The following CPB2 variants were observed in gnomAD, a reference collection of about 807,000 sequenced individuals.
CPB2 encodes the protein carboxypeptidase B2, also known as carboxypeptidase B-like protein.
In CPB2, 54 loss-of-function variants were observed where a neutral mutation model predicts 57.0. The ratio of observed to expected loss-of-function variants is 0.95; its 90% CI spans 0.76 to 1.19. The LOEUF (loss-of-function observed/expected upper bound fraction) is 1.19. CPB2 is among the 50% of genes most tolerant of loss of function. The pLI is 0.00. For synonymous variants in CPB2, 189 were observed against 178.1 expected, an observed-to-expected ratio of 1.06 and a Z score of -0.49; for missense variants, 426 against 512.0, an observed-to-expected ratio of 0.83 and a Z score of 1.62.
chr13:46,086,370 T>C (rs986544108), intron 2 of CPB2, among the ~76,000 whole-genome samples: 5 of 152,042 alleles, frequency 3.3e-5, no homozygotes, highest in Admixed American at 6.6e-5. Context: ...CTTTACTGAG[T>C]AATAGAACAG....
intron 1 of CPB2, among the ~76,000 whole-genome samples, chr13:46,091,799 A>G (rs1000833551): frequency 1.3e-5 from 2 of 152,246 alleles, no homozygotes; most frequent in African/African-American, 4.8e-5. Context: ...TTATTTTCAC[A>G]TACCACTTAG....
In CPB2 at chr13:46,078,780, C is replaced by A. The variant is rs533847572; in HGVS notation, c.486+20G>T. 6.7e-7 allele frequency: 1 copy of A among 1,498,156 alleles called. No homozygotes were observed. The highest frequency in any genetic ancestry group is 2.3e-5 in the East Asian group (1 of 44,212). 92.8% of individuals were successfully genotyped at this position (1,498,156 alleles called of 1,614,324 possible). Reference sequence around the variant, plus strand: ...CCCTCCCCTCACAGTGAAAGATCAACAACTTTCCCCACAACATACCTTTAA... The same window carrying A: ...CCCTCCCCTCACAGTGAAAGATCAAAAACTTTCCCCACAACATACCTTTAA... On this transcript the variant is annotated intron_variant, in intron 5 of 10. Coordinates refer to ENST00000181383, the MANE Select transcript of CPB2 (RefSeq NM_001872.5).
intron 5 of CPB2, among the ~76,000 whole-genome samples, chr13:46,077,209 C>T (rs4942474): frequency 0.34 from 52,296 of 151,762 alleles, 9,232 homozygotes; most frequent in African/African-American, 0.39. Flanking sequence ...ATATAAGGAA[C>T]GCAAACAATT....
intron 1 of CPB2, among the ~76,000 whole-genome samples, chr13:46,102,761 A>G (rs1272786055): frequency 6.6e-6 from 1 of 152,146 alleles, no homozygotes; most frequent in Admixed American, 6.6e-5. Context: ...TTACTCACAG[A>G]AAGAGTAGTT....
At position 46,053,733 on chromosome 13, in the gene CPB2, C is replaced by A. The variant is rs143005979; in HGVS notation, c.1153G>T (p.Glu385Ter). Residue 385 changes from glutamate (E) to a stop codon, truncating the protein, a stop_gained, in exon 11 of 11, where the codon GAA (glutamate) becomes TAA (stop). Transcript: ENST00000181383. LOFTEE classifies it high-confidence loss of function. ...DLGIKYSFTI[E>*]LRDTGTYGFL... is the part of the protein sequence containing the mutation. ...CCGTATGTGCCCGTATCTCGAAGTT[C>A]AATTGTAAACGAATATTTGATGCCC... 1.9e-6 allele frequency: 3 copies of A among 1,614,034 alleles called. No individual in the cohort carries two copies. In the African/African-American group the frequency reaches 4.0e-5, roughly 22 times the overall value.
intron 4 of CPB2, among the ~76,000 whole-genome samples, chr13:46,080,319 G>A (rs917530825): frequency 2.0e-5 from 3 of 152,188 alleles, no homozygotes; most frequent in African/African-American, 7.2e-5. Context: ...CTGATCAAGA[G>A]ACCACCGATC....
At chr13:46,074,733 T>C (rs181157474) in intron 5 of CPB2, among the ~76,000 whole-genome samples, 45 of 152,308 alleles carry the variant, frequency 3.0e-4, no homozygotes, top group African/African-American at 8.2e-4. Context: ...ACCAGTTTCA[T>C]GGAAGACAAT....
intron 1 of CPB2, among the ~76,000 whole-genome samples, chr13:46,091,747 C>T (rs997083950): frequency 3.9e-5 from 6 of 152,208 alleles, no homozygotes; most frequent in African/African-American, 1.2e-4. Context: ...GATTCTTACA[C>T]AGCCAAGGCA....
chr13:46,081,239 C>T (rs148539096), intron 4 of CPB2, among the ~76,000 whole-genome samples: 24 of 152,120 alleles, frequency 1.6e-4, no homozygotes, highest in African/African-American at 5.3e-4. Context: ...CTGAACATAT[C>T]GTAAGAAAAC....
At chr13:46,068,656 T>C (rs1007332536) in intron 6 of CPB2, among the ~76,000 whole-genome samples, 4 of 152,182 alleles carry the variant, frequency 2.6e-5, no homozygotes, top group Middle Eastern at 3.2e-3. Context: ...ACCCGTCATC[T>C]ACATTAGGTA....
In CPB2 at chr13:46,053,800, T is replaced by A. The variant is rs2044628362; in HGVS notation, c.1088-2A>T. 2 of 1,609,720 alleles carry A rather than the reference T, an allele frequency of 1.2e-6. No homozygotes were observed. The highest frequency in any genetic ancestry group is 2.7e-5 in the African/African-American group (2 of 74,592). On this transcript the variant is annotated splice_acceptor_variant, in intron 10 of 10. Transcript: ENST00000181383. LOFTEE classifies it high-confidence loss of function. ...CGTCCCCACCTCCAGGAGCTAGGTC[T>A]AAAAGAAGAAGAAAGAAATTGTTGA...
At chr13:46,084,430 C>G in intron 2 of CPB2, 87 bp from the exon 3 acceptor site, 2 of 1,453,110 alleles carry the variant, frequency 1.4e-6, no homozygotes, top group Non-Finnish European at 9.4e-7. Flanking sequence ...ACAGTTTTAT[C>G]TATAAGGAGT....
At chr13:46,082,680 G>C in intron 3 of CPB2, 131 bp from the exon 4 acceptor site, 2 of 549,286 alleles carry the variant, frequency 3.6e-6, no homozygotes, top group Non-Finnish European at 6.6e-6. Context: ...ATTTCATCAA[G>C]GTAAAAGTAA....
In CPB2 at chr13:46,053,727, G is replaced by C. The variant is rs1344815032; in HGVS notation, c.1159C>G (p.Arg387Gly). Reference sequence around the variant, plus strand: ...AAGAATCCGTATGTGCCCGTATCTCGAAGTTCAATTGTAAACGAATATTTG... The same window carrying C: ...AAGAATCCGTATGTGCCCGTATCTCCAAGTTCAATTGTAAACGAATATTTG... Reference protein sequence around the residue: ...GIKYSFTIELRDTGTYGFLLP... With the variant: ...GIKYSFTIELGDTGTYGFLLP... The change falls in exon 11 of 11, where the codon CGA becomes GGA. Residue 387 changes from arginine to glycine, a missense_variant. Coordinates refer to ENST00000181383, the MANE Select transcript of CPB2 (RefSeq NM_001872.5). The C allele has an allele frequency of 6.2e-7, 1 of 1,614,108 alleles. No individual in the cohort carries two copies. The highest frequency in any genetic ancestry group is 8.5e-7 in the Non-Finnish European group (1 of 1,180,012).
Position 46,061,792 on chromosome 13 carries a change from C to CAA in CPB2, c.796+2854_796+2855dup, listed in dbSNP as rs941474057. ...CTCTCATCTCCAACACACACACACA[C>CAA]AAAATTTTAATACAGAGGAGCATAA... On this transcript the variant is annotated intron_variant, in intron 8 of 10. Coordinates refer to ENST00000181383, the MANE Select transcript of CPB2 (RefSeq NM_001872.5). 2.6e-4 allele frequency among the ~76,000 whole-genome samples: 40 copies of CAA among 152,174 alleles called. No homozygotes were observed. In the South Asian group the frequency reaches 3.5e-3, roughly 13 times the overall value.
At chr13:46,083,179 C>G (rs1026751550) in intron 3 of CPB2, among the ~76,000 whole-genome samples, 1 of 151,952 alleles carries the variant, frequency 6.6e-6, no homozygotes, top group African/African-American at 2.4e-5. Flanking sequence ...ATAAAGGGTT[C>G]TTTACTTTTA....
At chr13:46,097,313 C>T (rs1019004554) in intron 1 of CPB2, 2 of 152,176 alleles carry the variant, frequency 1.3e-5, no homozygotes, top group African/African-American at 2.4e-5. Flanking sequence ...CTGTTGCTGC[C>T]CCATGTCTAA....
chr13:46,072,826 G>C (rs1440170378), intron 6 of CPB2, among the ~76,000 whole-genome samples: 2 of 152,140 alleles, frequency 1.3e-5, no homozygotes, highest in African/African-American at 2.4e-5. Context: ...ATTAACTGCT[G>C]CTCCCTTCAC....
chr13:46,068,696 C>T (rs1446631030), intron 6 of CPB2, among the ~76,000 whole-genome samples: 1 of 151,830 alleles, frequency 6.6e-6, no homozygotes, highest in African/African-American at 2.4e-5. Context: ...TCCCCTAGCC[C>T]CCCACCCCCG....
Sources: gnomAD v4.1 joint callset for allele counts (sites outside exome capture counted in the v4.1 genomes callset) on GRCh38, gnomAD v4.1.1 for gene constraint, MANE v1.5 for transcripts, NCBI Gene and HGNC (gene_info 2026-07-23, HGNC 2026-07-21) for gene names.